Variants in SLC26A9 observed in about 807,000 individuals in gnomAD.
The protein encoded by SLC26A9 is anion transporter/exchanger protein 9.
In SLC26A9, 46 loss-of-function variants were observed where a neutral mutation model predicts 87.1. The ratio of observed to expected loss-of-function variants is 0.53; its 90% confidence interval spans 0.42 to 0.67. The LOEUF is 0.67. Among genes scored for constraint, SLC26A9 ranks in the 30% least tolerant of loss-of-function variants. The pLI is 0.00. For synonymous variants in SLC26A9, 437 were observed against 409.1 expected (o/e 1.07, Z -0.82); for missense variants, 927 against 1,018.3 (o/e 0.91, Z 1.22).
intron 12 of SLC26A9, among the ~76,000 whole-genome samples, chr1:205,925,095 A>G (rs1470232313): frequency 6.6e-6 from 1 of 152,208 alleles, no homozygotes; most frequent in South Asian, 2.1e-4. Context: ...ACCCAGCCCC[A>G]AATTTTGTTC....
intron 5 of SLC26A9, 94 bp from the exon 6 acceptor site, chr1:205,930,150 G>T: frequency 7.3e-7 from 1 of 1,375,268 alleles, no homozygotes; most frequent in Non-Finnish European, 9.8e-7. Flanking sequence ...CTGGAGCTCC[G>T]TGCAGTCCTA....
rs146668320 is a variant in SLC26A9, at chr1:205,920,177, A to G, written c.2109T>C (p.His703=). The part of the protein sequence containing the change: ...IGVKVFLVNI[H]AQVYNDISHG... ...CCCTAAATGTCCTCTTTCTCTTACC[A>G]TGGATGTTCACCAAGAAGACCTTCA... The change falls in exon 18 of 21, where the codon CAT becomes CAC. Residue 703 remains histidine (H), a splice_region_variant and synonymous_variant. Coordinates refer to ENST00000367135, the MANE Select transcript of SLC26A9 (RefSeq NM_052934.4). 4.2e-4 allele frequency: 670 copies of G among 1,613,846 alleles called. No individual in the cohort carries two copies. Among genetic ancestry groups the G allele is most frequent in the Non-Finnish European group, 5.4e-4 (640 of 1,179,796 alleles).
rs745432474 is a variant in SLC26A9, at chr1:205,923,063, G to T, written c.1773+19C>A. On this transcript the variant is annotated intron_variant, in intron 16 of 20. Coordinates refer to ENST00000367135, the MANE Select transcript of SLC26A9 (RefSeq NM_052934.4). ...GGGCAGGAGAGCAGGGCACGGGGCTGCTTCTGGCCTTCATTCACCTTGGTT... is the reference window on the plus strand; with the variant it reads ...GGGCAGGAGAGCAGGGCACGGGGCTTCTTCTGGCCTTCATTCACCTTGGTT... 6 of 1,609,906 alleles carry T rather than the reference G, an allele frequency of 3.7e-6. No homozygotes were observed. In the South Asian group the frequency reaches 4.4e-5, roughly 12 times the overall value.
At position 205,940,033 on chromosome 1, in the gene SLC26A9, G is replaced by T. The variant is rs78506890; in HGVS notation, c.-19+3332C>A. The stretch of plus-strand genomic sequence containing the variant: ...ACCCTGCCCCTCCTCCACTGTGCAG[G>T]GAAGGGGGGCAGGTCCTAAAGAGCT... On this transcript the variant is annotated intron_variant, in intron 1 of 20. Coordinates refer to ENST00000367135, the MANE Select transcript of SLC26A9 (RefSeq NM_052934.4). 3.9e-3 allele frequency among the ~76,000 whole-genome samples: 599 copies of T among 152,294 alleles called. 3 individuals carry two copies. Among genetic ancestry groups the T allele is most frequent in the African/African-American group, 0.014 (581 of 41,544 alleles).
rs1659323579 is a variant in SLC26A9 at position 205,931,897 on chromosome 1, A to G, written c.515T>C (p.Val172Ala). The G allele has an allele frequency of 1.2e-6, 2 of 1,613,952 alleles. No homozygotes were observed. The highest frequency in any genetic ancestry group is 1.7e-6 in the Non-Finnish European group (2 of 1,179,998). Residue 172 changes from valine (V) to alanine (A), a missense_variant, in exon 5 of 21, where the codon GTG (valine) becomes GCG (alanine). By Grantham distance (64) the Val-to-Ala change is moderately conservative. Coordinates refer to ENST00000367135, the MANE Select transcript of SLC26A9 (RefSeq NM_052934.4). ...GGTGAGGCAGGCTAGCGTAGCTGAC[A>G]CGTGCAGCCTCTCAGCCTCCATGGC... ...TAAMEAERLH[V>A]SATLACLTAI...
intron 19 of SLC26A9, 65 bp from the exon 20 acceptor site, chr1:205,917,419 G>T: frequency 1.3e-6 from 2 of 1,525,580 alleles, no homozygotes; most frequent in Non-Finnish European, 1.8e-6. Context: ...GGTGCATGGT[G>T]GCAGGAAAAG....
In SLC26A9 at chr1:205,917,315, C is replaced by T. The variant is rs770597929; in HGVS notation, c.2296G>A (p.Glu766Lys). The change falls in exon 20 of 21, where the codon GAG becomes AAG. Residue 766 changes from glutamate (E) to lysine (K), a missense_variant. Coordinates refer to ENST00000367135, the MANE Select transcript of SLC26A9 (RefSeq NM_052934.4). ...DAELSLYDSEEDIRSYWDLEQ... is the reference protein window; with the variant it reads ...DAELSLYDSEKDIRSYWDLEQ... ...AAGTCCCAGTAGCTGCGAATGTCCT[C>T]CTCTGAGTCGTACAAGGAGAGCTCA... The T allele has an allele frequency of 1.9e-6, 3 of 1,613,884 alleles. No individual in the cohort carries two copies. The highest frequency in any genetic ancestry group is 1.7e-5 in the Admixed American group (1 of 59,980).
In SLC26A9 at chr1:205,935,794, C is replaced by T. The variant is rs1459344592; in HGVS notation, c.27G>A (p.Val9=). The part of the protein sequence containing the change: MSQPRPRY[V]VDRAAYSLTL... ...TAAGGGAGTATGCGGCTCTGTCTAC[C>T]ACGTAGCGGGGCCTGGGCTGGCTCA... Residue 9 remains valine, a synonymous_variant, in exon 2 of 21, where the codon GTG becomes GTA. Transcript: ENST00000367135. The T allele has an allele frequency of 6.2e-7, 1 of 1,613,916 alleles. No homozygotes were observed. Among genetic ancestry groups the T allele is most frequent in the South Asian group, 1.1e-5 (1 of 91,056 alleles).
intron 1 of SLC26A9, among the ~76,000 whole-genome samples, chr1:205,938,052 G>A (rs530336742): frequency 6.6e-6 from 1 of 152,168 alleles, no homozygotes; most frequent in African/African-American, 2.4e-5. Context: ...TTCCGGTAGT[G>A]TGTTTGCGGG....
chr1:205,917,253 C>T lies in SLC26A9; in HGVS notation c.2328+30G>A, dbSNP rs11240591. 197,463 of 1,612,672 alleles carry T rather than the reference C, an allele frequency of 0.12. 18,282 individuals carry two copies. Among genetic ancestry groups the T allele is most frequent in the East Asian group, 0.56 (25,053 of 44,828 alleles). Reference sequence around the variant, plus strand: ...CATCCTTCCCCTCTTCGCCCTGCTCCCACCCTCACAGCCCCTTCCCTCAGC... The same window carrying T: ...CATCCTTCCCCTCTTCGCCCTGCTCTCACCCTCACAGCCCCTTCCCTCAGC... On this transcript the variant is annotated intron_variant, in intron 20 of 20. Transcript: ENST00000367135.
At chr1:205,924,308 C>T (rs935715416) in intron 13 of SLC26A9, 75 bp downstream of exon 13, 27 of 1,393,240 alleles carry the variant, frequency 1.9e-5, no homozygotes, top group African/African-American at 5.7e-5. Flanking sequence ...TAAGCCAGGC[C>T]GTGGCATGGA....
At chr1:205,930,121 GC>G in intron 5 of SLC26A9, 65 bp from the exon 6 acceptor site, 1 of 1,506,546 alleles carries the variant, frequency 6.6e-7, no homozygotes, top group Admixed American at 1.9e-5. Flanking sequence ...CCAACGACCC[GC>G]CCCACACACA....
Position 205,933,002 on chromosome 1 carries a change from A to G in SLC26A9, c.208T>C (p.Tyr70His), listed in dbSNP as rs75021701. The G allele has an allele frequency of 6.2e-7, 1 of 1,614,142 alleles. No homozygotes were observed. The highest frequency in any genetic ancestry group is 8.5e-7 in the Non-Finnish European group (1 of 1,180,016). ...SWLPKYKIKD[Y>H]IIPDLLGGLS... The stretch of plus-strand genomic sequence containing the variant: ...CCACCGAGCAGGTCAGGAATGATGT[A>G]GTCTTTAATCTTGTACTTGGGGAGC... Residue 70 changes from tyrosine (Y) to histidine (H), a missense_variant, in exon 3 of 21, where the codon TAC becomes CAC. Coordinates refer to ENST00000367135, the MANE Select transcript of SLC26A9 (RefSeq NM_052934.4).
intron 12 of SLC26A9, 92 bp from the exon 13 acceptor site, chr1:205,924,581 G>A: frequency 9.6e-7 from 1 of 1,039,796 alleles, no homozygotes. Flanking sequence ...TTCTCTGTTA[G>A]TACAACCTCA....
At chr1:205,934,670 T>C (rs533476378) in intron 2 of SLC26A9, among the ~76,000 whole-genome samples, 2 of 152,362 alleles carry the variant, frequency 1.3e-5, no homozygotes, top group African/African-American at 4.8e-5. Flanking sequence ...GTTAGTTTGC[T>C]ATATCCCTTT....
intron 11 of SLC26A9, 58 bp downstream of exon 11, chr1:205,927,153 C>G (rs1328616501): frequency 6.3e-7 from 1 of 1,579,926 alleles, no homozygotes; most frequent in Non-Finnish European, 8.7e-7. Flanking sequence ...ACACAACTCT[C>G]AGGGATTGTT....
intron 1 of SLC26A9, among the ~76,000 whole-genome samples, chr1:205,938,059 CG>C (rs1052152624): frequency 2.0e-5 from 3 of 152,100 alleles, no homozygotes; most frequent in South Asian, 2.1e-4. Flanking sequence ...AGTGTGTTTG[CG>C]GGGAAGGGAG....
intron 20 of SLC26A9, among the ~76,000 whole-genome samples, chr1:205,916,931 T>C (rs60255052): frequency 0.081 from 12,334 of 151,546 alleles, 555 homozygotes; most frequent in Middle Eastern, 0.12. Context: ...TGAAAAGCTG[T>C]CTCTACTAAA....
chr1:205,922,133 A>G (rs1340840770), intron 16 of SLC26A9, among the ~76,000 whole-genome samples: 3 of 152,152 alleles, frequency 2.0e-5, no homozygotes, highest in Non-Finnish European at 4.4e-5. Flanking sequence ...CCCTCCGGGG[A>G]CACTGAGCTC....
Sources: gnomAD v4.1 joint callset for allele counts (sites outside exome capture counted in the v4.1 genomes callset) on GRCh38, gnomAD v4.1.1 for gene constraint, MANE v1.5 for transcripts, NCBI Gene and HGNC (gene_info 2026-07-23, HGNC 2026-07-21) for gene names.